STK39: variants seen among roughly 807,000 people sequenced by gnomAD.
The protein encoded by STK39 is STE20/SPS1-related proline-alanine-rich protein kinase.
STK39 carries 20 observed loss-of-function variants against 77.8 expected under a neutral mutation model. The ratio of observed to expected loss-of-function variants is 0.26; its 90% CI spans 0.18 to 0.37. The LOEUF (loss-of-function observed/expected upper bound fraction) is 0.37, where lower values mean the gene tolerates loss of function less well. Among genes scored for constraint, STK39 ranks in the 10% least tolerant of loss-of-function variants. STK39 has a pLI of 1.00. For synonymous variants in STK39, 246 were observed against 234.1 expected (o/e 1.05, Z -0.47); for missense variants, 479 against 656.5 (o/e 0.73, Z 2.95).
intron 1 of STK39, among the ~76,000 whole-genome samples, chr2:168,240,900 G>T (rs868286691): frequency 2.6e-5 from 4 of 152,230 alleles, no homozygotes; most frequent in South Asian, 2.1e-4. Context: ...GAGAATGAAA[G>T]ATGGCACCTA....
chr2:168,238,588 C>T (rs1690679301), intron 1 of STK39, among the ~76,000 whole-genome samples: 1 of 152,130 alleles, frequency 6.6e-6, no homozygotes, highest in South Asian at 2.1e-4. Context: ...CAAGAAGTTT[C>T]TTAAAGCTAA....
At chr2:168,052,362 T>C (rs1685420694) in intron 14 of STK39, among the ~76,000 whole-genome samples, 1 of 152,182 alleles carries the variant, frequency 6.6e-6, no homozygotes, top group Non-Finnish European at 1.5e-5. Flanking sequence ...GCAGAGAAAA[T>C]ATCTTTAAAA....
At chr2:168,028,601 T>C (rs186346735) in intron 14 of STK39, among the ~76,000 whole-genome samples, 1 of 152,338 alleles carries the variant, frequency 6.6e-6, no homozygotes, top group Admixed American at 6.5e-5. Flanking sequence ...TCACACTTTT[T>C]TGTAGCAGGA....
At chr2:168,223,510 C>CAAAA (rs60067513) in intron 1 of STK39, among the ~76,000 whole-genome samples, 52 of 102,116 alleles carry the variant, frequency 5.1e-4, no homozygotes, top group South Asian at 6.5e-4. Flanking sequence ...GACTCCGTCT[C>CAAAA]AAAAAAAAAA....
intron 17 of STK39, among the ~76,000 whole-genome samples, chr2:167,956,692 A>ACT (rs1691781957): frequency 2.2e-5 from 1 of 45,768 alleles, no homozygotes; most frequent in South Asian, 6.1e-4. Flanking sequence ...ACACACACAC[A>ACT]CACACTCTCT....
intron 10 of STK39, among the ~76,000 whole-genome samples, chr2:168,080,753 T>G (rs1040242870): frequency 6.6e-6 from 1 of 152,204 alleles, no homozygotes; most frequent in Non-Finnish European, 1.5e-5. Context: ...AATGGTTTCT[T>G]GGGCTGGGCC....
intron 13 of STK39, 136 bp downstream of exon 13, chr2:168,065,183 C>A: frequency 1.2e-6 from 1 of 827,102 alleles, no homozygotes; most frequent in South Asian, 1.7e-5. Flanking sequence ...TCAATAGCAA[C>A]CTATTTAAAA....
At chr2:168,033,737 G>A (rs7584593) in intron 14 of STK39, among the ~76,000 whole-genome samples, 10,434 of 152,226 alleles carry the variant, frequency 0.069, 674 homozygotes, top group East Asian at 0.2. Flanking sequence ...TGCTTAGGCC[G>A]ACTCAGCCTG....
In STK39 at chr2:168,100,317, G is replaced by A. The variant is rs183185142; in HGVS notation, c.1090-25086C>T. On this transcript the variant is annotated intron_variant, in intron 10 of 17. Transcript: ENST00000355999. Reference sequence around the variant, plus strand: ...TGTAACTGTGCTGCTGGGGGAGAGCGTGCAGATTTAGACTGCAGGGGATCT... The same window carrying A: ...TGTAACTGTGCTGCTGGGGGAGAGCATGCAGATTTAGACTGCAGGGGATCT... Among the ~76,000 whole-genome samples, 13 of 152,288 alleles carry A rather than the reference G, an allele frequency of 8.5e-5. No individual in the cohort carries two copies. The East Asian group carries it at 2.5e-3, about 29-fold the overall frequency.
At position 168,031,808 on chromosome 2, in the gene STK39, G is replaced by A. The variant is rs115487113; in HGVS notation, c.1377-14713C>T. Among the ~76,000 whole-genome samples the A allele has an allele frequency of 3.8e-3, 580 of 152,278 alleles. 4 individuals are homozygous for A. The highest frequency in any genetic ancestry group is 0.013 in the African/African-American group (552 of 41,552). On this transcript the variant is annotated intron_variant, in intron 14 of 17. Coordinates refer to ENST00000355999, the MANE Select transcript of STK39 (RefSeq NM_013233.3). ...GAAAATAAACTCCTATTGTTTAAGCGACCCAGTTTGTGGTTCTTTGTTAAG... is the reference window on the plus strand; with the variant it reads ...GAAAATAAACTCCTATTGTTTAAGCAACCCAGTTTGTGGTTCTTTGTTAAG...
chr2:168,210,937 T>G (rs1379598132), intron 1 of STK39, among the ~76,000 whole-genome samples: 2 of 152,236 alleles, frequency 1.3e-5, no homozygotes, highest in Non-Finnish European at 2.9e-5. Context: ...AACTTAATTA[T>G]AATTTCACTT....
intron 5 of STK39, among the ~76,000 whole-genome samples, chr2:168,142,100 G>A (rs1410284586): frequency 6.6e-6 from 1 of 152,154 alleles, no homozygotes; most frequent in Admixed American, 6.5e-5. Flanking sequence ...AACTTAATAT[G>A]CATATATGTT....
intron 1 of STK39, among the ~76,000 whole-genome samples, chr2:168,188,804 A>T (rs1689269288): frequency 6.6e-6 from 1 of 152,228 alleles, no homozygotes; most frequent in Non-Finnish European, 1.5e-5. Flanking sequence ...CAAGTCAAAG[A>T]CAAAGAACAG....
At chr2:167,996,042 T>C (rs994366794) in intron 16 of STK39, among the ~76,000 whole-genome samples, 5 of 150,914 alleles carry the variant, frequency 3.3e-5, no homozygotes, top group Non-Finnish European at 5.9e-5. Context: ...CTGCAAATTA[T>C]GTAGCTGGTC....
At chr2:168,156,213 T>A (rs1469175176) in intron 5 of STK39, among the ~76,000 whole-genome samples, 2 of 152,032 alleles carry the variant, frequency 1.3e-5, no homozygotes, top group Admixed American at 1.3e-4. Flanking sequence ...GAATAAGTCA[T>A]GAAAAGAAGT....
chr2:168,056,206 A>G (rs1259171266), intron 14 of STK39, among the ~76,000 whole-genome samples: 1 of 152,144 alleles, frequency 6.6e-6, no homozygotes, highest in Non-Finnish European at 1.5e-5. Flanking sequence ...TATGATCTCC[A>G]GGAATAAATA....
intron 14 of STK39, among the ~76,000 whole-genome samples, chr2:168,039,223 T>C (rs1170008385): frequency 2.0e-5 from 3 of 152,020 alleles, no homozygotes; most frequent in Non-Finnish European, 4.4e-5. Flanking sequence ...GATCTCAAAA[T>C]AGCTGAGTGA....
At chr2:168,038,021 T>C (rs1391938854) in intron 14 of STK39, among the ~76,000 whole-genome samples, 1 of 152,168 alleles carries the variant, frequency 6.6e-6, no homozygotes, top group South Asian at 2.1e-4. Context: ...ATGTGTTTTG[T>C]CAGTGATTCA....
At chr2:168,078,801 T>C (rs1057012462) in intron 10 of STK39, among the ~76,000 whole-genome samples, 1 of 149,726 alleles carries the variant, frequency 6.7e-6, no homozygotes, top group Non-Finnish European at 1.5e-5. Flanking sequence ...CATTAACTTC[T>C]CCCTGGAAAT....
Sources: gnomAD v4.1 joint callset for allele counts (sites outside exome capture counted in the v4.1 genomes callset) on GRCh38, gnomAD v4.1.1 for gene constraint, MANE v1.5 for transcripts, NCBI Gene and HGNC (gene_info 2026-07-23, HGNC 2026-07-21) for gene names.